Variants in NOTCH2NLC observed in about 807,000 individuals in gnomAD.
NOTCH2NLC encodes the protein notch 2 N-terminal like C.
In NOTCH2NLC, 4 loss-of-function variants were observed where a neutral mutation model predicts 17.7. The ratio of observed to expected loss-of-function variants is 0.23; its 90% confidence interval spans 0.11 to 0.52. NOTCH2NLC has a LOEUF of 0.52. Among genes scored for constraint, NOTCH2NLC ranks in the 20% least tolerant of loss-of-function variants. NOTCH2NLC has a pLI of 0.96. For missense variants in NOTCH2NLC, 57 were observed against 207.2 expected, an observed-to-expected ratio of 0.28 and a Z score of 4.45; for synonymous variants, 18 against 86.0, an observed-to-expected ratio of 0.21 and a Z score of 4.38.
intron 3 of NOTCH2NLC, among the ~76,000 whole-genome samples, chr1:149,462,983 G>A (rs1238938786): frequency 2.7e-5 from 4 of 146,470 alleles, no homozygotes; most frequent in East Asian, 2.1e-4. Context: ...TTACAGGTGC[G>A]CGCCACCATG....
rs1222434615 is a variant in NOTCH2NLC, at chr1:149,460,895, CT to C, written c.470-2593del. ...TCTTTCTTTCTTTCTTTCTTTCTTT[CT>C]TTCTTTCTTTCTTTCTTTCTCTCTC... On this transcript the variant is annotated intron_variant, in intron 3 of 4. Transcript: ENST00000650865. Among the ~76,000 whole-genome samples the C allele has an allele frequency of 5.0e-4, 58 of 115,560 alleles. 3 individuals are homozygous for C. Among genetic ancestry groups the C allele is most frequent in the Non-Finnish European group, 9.6e-4 (51 of 53,066 alleles). The allele number at this position is 115,560 out of a possible 152,430, so 75.8% of individuals were successfully genotyped here.
rs1415330789 is a variant in NOTCH2NLC at position 149,391,021 on chromosome 1, C to T, written c.135+99C>T. 8.8e-6 allele frequency: 9 copies of T among 1,024,730 alleles called. 1 individual carries two copies. Among genetic ancestry groups the T allele is most frequent in the African/African-American group, 2.3e-5 (1 of 42,596 alleles). 63.5% of individuals were successfully genotyped at this position (1,024,730 alleles called of 1,614,324 possible). On this transcript the variant is annotated intron_variant, in intron 1 of 4. Transcript: ENST00000650865. ...TCCTTCTCTGTGTGGGAAGGCCAGG[C>T]TCGGCCGCCGGCGCGGAGCGAGGCC...
chr1:149,460,709 C>G (rs2084639513), intron 3 of NOTCH2NLC, among the ~76,000 whole-genome samples: 1 of 147,860 alleles, frequency 6.8e-6, no homozygotes, highest in African/African-American at 2.5e-5. Flanking sequence ...CAAGGTCATC[C>G]TTTTGGTTTT....
chr1:149,462,102 G>A (rs2084653776), intron 3 of NOTCH2NLC, among the ~76,000 whole-genome samples: 1 of 144,084 alleles, frequency 6.9e-6, no homozygotes, highest in South Asian at 2.2e-4. Context: ...TGCATGTTGT[G>A]CACGTGTACC....
intron 1 of NOTCH2NLC, among the ~76,000 whole-genome samples, chr1:149,400,239 A>G (rs1485917797): frequency 1.5e-5 from 2 of 136,024 alleles, no homozygotes; most frequent in African/African-American, 5.4e-5. Context: ...AATCTTTACC[A>G]TTTGATAAGT....
intron 2 of NOTCH2NLC, among the ~76,000 whole-genome samples, chr1:149,449,274 A>G (rs1570917936): frequency 1.3e-5 from 2 of 150,850 alleles, no homozygotes. Flanking sequence ...ACAAGAGACA[A>G]TAGCTATCAA....
At chr1:149,449,155 A>G (rs1289729066) in intron 2 of NOTCH2NLC, among the ~76,000 whole-genome samples, 1 of 150,768 alleles carries the variant, frequency 6.6e-6, no homozygotes, top group Non-Finnish European at 1.5e-5. Flanking sequence ...TGCTGAGATT[A>G]CTGGTGTGAG....
intron 2 of NOTCH2NLC, among the ~76,000 whole-genome samples, chr1:149,454,345 A>G (rs1232427427): frequency 1.2e-5 from 1 of 81,290 alleles, no homozygotes; most frequent in Admixed American, 1.4e-4. Flanking sequence ...CTTAATTTAA[A>G]TGCTTCTCAG....
chr1:149,464,764 CAA>C lies in NOTCH2NLC; in HGVS notation c.*614_*615del, dbSNP rs1165499442. 6.6e-6 allele frequency: 1 copy of C among 151,176 alleles called. No homozygotes were observed. The highest frequency in any genetic ancestry group is 2.4e-5 in the African/African-American group (1 of 41,060). 9.4% of individuals were successfully genotyped at this position (151,176 alleles called of 1,614,324 possible). ...TATACAAATATCCTTAGTACAAAAA[CAA>C]AAGAAGGAAAACTGTAGGGGGGAGT... On this transcript the variant is annotated 3_prime_UTR_variant, in exon 5 of 5. Transcript: ENST00000650865.
intron 1 of NOTCH2NLC, among the ~76,000 whole-genome samples, chr1:149,425,556 T>A (rs2084408546): frequency 6.7e-6 from 1 of 149,996 alleles, no homozygotes; most frequent in South Asian, 2.1e-4. Context: ...CTGGTTAAAG[T>A]AAGAAATGGC....
At chr1:149,413,740 T>C (rs1286943610) in intron 1 of NOTCH2NLC, among the ~76,000 whole-genome samples, 1 of 151,204 alleles carries the variant, frequency 6.6e-6, no homozygotes, top group African/African-American at 2.4e-5. Flanking sequence ...TTTTGCTAGA[T>C]CATATATCTT....
intron 2 of NOTCH2NLC, among the ~76,000 whole-genome samples, chr1:149,445,062 C>T (rs1166131452): frequency 3.2e-4 from 44 of 139,164 alleles, no homozygotes; most frequent in African/African-American, 1.0e-3. Context: ...ACTAGAAGTC[C>T]TCATGCATGT....
At chr1:149,446,207 A>G (rs2084552201) in intron 2 of NOTCH2NLC, among the ~76,000 whole-genome samples, 1 of 90,568 alleles carries the variant, frequency 1.1e-5, no homozygotes, top group South Asian at 4.5e-4. Flanking sequence ...CCATTGCCAG[A>G]TAGATTGGAA....
rs1325943342 is a variant in NOTCH2NLC, at chr1:149,413,636, G to A, written c.136-17306G>A. 9.3e-5 allele frequency among the ~76,000 whole-genome samples: 14 copies of A among 151,058 alleles called. 1 individual carries two copies. The highest frequency in any genetic ancestry group is 7.9e-4 in the Admixed American group (12 of 15,186). ...TACCAGTGTGAGTTAACACTTCTCT[G>A]TACTCTCCCCGGTTCCTCATTTTGT... On this transcript the variant is annotated intron_variant, in intron 1 of 4. Coordinates refer to ENST00000650865, the MANE Select transcript of NOTCH2NLC (RefSeq NM_001364013.2).
intron 3 of NOTCH2NLC, among the ~76,000 whole-genome samples, chr1:149,460,890 T>G (rs1261370804): frequency 7.3e-6 from 1 of 137,272 alleles, no homozygotes; most frequent in Non-Finnish European, 1.6e-5. Flanking sequence ...TTTCTTTCTT[T>G]CTTTCTTTCT....
At chr1:149,445,595 A>G (rs1356740125) in intron 2 of NOTCH2NLC, among the ~76,000 whole-genome samples, 4 of 150,500 alleles carry the variant, frequency 2.7e-5, no homozygotes, top group African/African-American at 9.8e-5. Flanking sequence ...GCCACTGCGG[A>G]TTGGGGGGCC....
intron 2 of NOTCH2NLC, among the ~76,000 whole-genome samples, chr1:149,440,733 C>CAG (rs1368218813): frequency 3.8e-5 from 4 of 106,068 alleles, no homozygotes. Flanking sequence ...ATTTCTTCAT[C>CAG]ACGTTTTCTT....
chr1:149,426,244 T>C (rs1170832803), intron 1 of NOTCH2NLC, among the ~76,000 whole-genome samples: 8 of 82,458 alleles, frequency 9.7e-5, no homozygotes, highest in East Asian at 3.8e-4. Context: ...TCATGATTGC[T>C]TTTTATACAT....
chr1:149,448,722 G>T (rs1481322352), intron 2 of NOTCH2NLC, among the ~76,000 whole-genome samples: 2 of 149,888 alleles, frequency 1.3e-5, no homozygotes, highest in Non-Finnish European at 3.0e-5. Flanking sequence ...GTAAGAACAT[G>T]TGTTAAGCCT....
Sources: allele counts gnomAD v4.1 joint callset (sites outside exome capture counted in the v4.1 genomes callset), GRCh38; gene constraint gnomAD v4.1.1; transcripts MANE v1.5; gene names NCBI Gene and HGNC (gene_info 2026-07-23, HGNC 2026-07-21).